The following ABR variants were observed in gnomAD, a reference collection of about 807,000 sequenced individuals.
ABR encodes the protein ABR activator of RhoGEF and GTPase.
In ABR, 35 loss-of-function variants were observed where a neutral mutation model predicts 107.2. The observed-to-expected ratio is 0.33, with a 90% CI of 0.25 to 0.43. The LOEUF is 0.43. Ranked by LOEUF, ABR falls within the 20% of genes least tolerant of loss-of-function variation. ABR has a pLI of 1.00. For missense variants in ABR, 815 were observed against 1,115.2 expected (o/e 0.73, Z 3.83); for synonymous variants, 498 against 462.0 (o/e 1.08, Z -1.00).
chr17:1,112,397 G>C (rs2038724463), intron 2 of ABR, among the ~76,000 whole-genome samples: 1 of 152,220 alleles, frequency 6.6e-6, no homozygotes, highest in Non-Finnish European at 1.5e-5. Context: ...AATAGGGAAG[G>C]GTTTCCAGGC....
intron 1 of ABR, among the ~76,000 whole-genome samples, chr17:1,169,840 G>A (rs769913187): frequency 6.6e-5 from 10 of 152,166 alleles, no homozygotes; most frequent in Admixed American, 4.6e-4. Context: ...GGGCCAGCAC[G>A]CTTGGGCTCT....
chr17:1,079,125 C>T, intron 6 of ABR: 1 of 1,436,392 alleles, frequency 7.0e-7, no homozygotes, highest in Non-Finnish European at 9.1e-7. Context: ...TTGTAGCTGG[C>T]TGGCTGCCTG....
At chr17:1,142,774 G>C (rs2151500385) in intron 1 of ABR, among the ~76,000 whole-genome samples, 1 of 152,258 alleles carries the variant, frequency 6.6e-6, no homozygotes, top group Non-Finnish European at 1.5e-5. Flanking sequence ...GTGAACCACA[G>C]ACAGGCAGGG....
rs183253693 is a variant in ABR at position 1,166,693 on chromosome 17, G to A, written c.61+12974C>T. On this transcript the variant is annotated intron_variant, in intron 1 of 22. Transcript: ENST00000302538. ...GTGTGGGCAGCGCGGGCCTCACCTG[G>A]GACTTGCTAGAAATGCAGAATCCAG... is the stretch of plus-strand genomic sequence containing the variant. Among the ~76,000 whole-genome samples, 47 of 152,306 alleles carry A rather than the reference G, an allele frequency of 3.1e-4. 1 individual carries two copies. Among genetic ancestry groups the A allele is most frequent in the African/African-American group, 9.6e-4 (40 of 41,576 alleles).
rs1031116716 is a variant in ABR, at chr17:1,037,760, G to A, written c.1791+12290C>T. Among the ~76,000 whole-genome samples the A allele has an allele frequency of 1.1e-4, 16 of 152,074 alleles. No homozygotes were observed. Among genetic ancestry groups the A allele is most frequent in the East Asian group, 3.9e-4 (2 of 5,170 alleles). On this transcript the variant is annotated intron_variant, in intron 16 of 22. Transcript: ENST00000302538. The surrounding 1 kb of genome is among the most constrained non-coding windows in gnomAD (Gnocchi z 4.6). ...TGAGGCCTGAAGGTGGGATGGGGTCGCCGAGCCTCCCTGCTCTTTCTTCAT... is the reference window on the plus strand; with the variant it reads ...TGAGGCCTGAAGGTGGGATGGGGTCACCGAGCCTCCCTGCTCTTTCTTCAT...
intron 1 of ABR, among the ~76,000 whole-genome samples, chr17:1,146,845 G>C (rs367560088): frequency 7.3e-6 from 1 of 137,698 alleles, no homozygotes; most frequent in African/African-American, 2.7e-5. Context: ...ACTGCCACCA[G>C]GCCACCACTG....
chr17:1,041,798 G>A (rs893793995), intron 16 of ABR, among the ~76,000 whole-genome samples: 1 of 152,194 alleles, frequency 6.6e-6, no homozygotes, highest in Non-Finnish European at 1.5e-5. Context: ...AGGGACCAGA[G>A]GTTGTTCCCG....
At chr17:1,064,879 A>G (rs1220848825) in intron 10 of ABR, among the ~76,000 whole-genome samples, 4 of 121,562 alleles carry the variant, frequency 3.3e-5, no homozygotes, top group African/African-American at 6.1e-5. Flanking sequence ...TCCTCTAGAC[A>G]CTGTTGTTAT....
intron 1 of ABR, among the ~76,000 whole-genome samples, chr17:1,162,605 G>T (rs187089549): frequency 1.3e-5 from 2 of 152,140 alleles, no homozygotes; most frequent in African/African-American, 4.8e-5. Context: ...AGCTCTCCCC[G>T]CACTCCTCAG....
At chr17:1,019,267 G>A (rs2071437914) in intron 16 of ABR, among the ~76,000 whole-genome samples, 1 of 152,188 alleles carries the variant, frequency 6.6e-6, no homozygotes. Flanking sequence ...AGAGCCCCAG[G>A]TCACAGTGGG....
At chr17:1,057,276 G>A (rs1282601535) in intron 12 of ABR, among the ~76,000 whole-genome samples, 174 bp from the exon 13 acceptor site, 6 of 149,620 alleles carry the variant, frequency 4.0e-5, no homozygotes, top group Non-Finnish European at 5.9e-5. Flanking sequence ...GCTGCGAGAG[G>A]GGTCAGAGTA....
chr17:1,091,918 G>A, intron 3 of ABR, 68 bp from the exon 4 acceptor site: 4 of 1,499,636 alleles, frequency 2.7e-6, no homozygotes, highest in Non-Finnish European at 3.6e-6. Context: ...GCAGGCCCCG[G>A]GGCCGATCGT....
At chr17:1,022,448 G>C (rs1252221031) in intron 16 of ABR, 5 of 153,332 alleles carry the variant, frequency 3.3e-5, no homozygotes, top group Non-Finnish European at 5.9e-5. Flanking sequence ...TGGCAAGCTG[G>C]CAACGGGGGA....
At chr17:1,016,600 C>G (rs566365226) in intron 16 of ABR, among the ~76,000 whole-genome samples, 28 of 151,964 alleles carry the variant, frequency 1.8e-4, no homozygotes, top group South Asian at 1.2e-3. Flanking sequence ...ACAGGTGTGA[C>G]CCACCATGCC....
rs576242898 is a variant in ABR, at chr17:1,157,680, G to A, written c.61+21987C>T. The stretch of plus-strand genomic sequence containing the variant: ...GGAACAGGGGGAAGCCAACAATCCC[G>A]GCAGATGAAGGAAAGGAACCGGCAG... On this transcript the variant is annotated intron_variant, in intron 1 of 22. Coordinates refer to ENST00000302538, the MANE Select transcript of ABR (RefSeq NM_021962.5). The surrounding 1 kb of genome is among the most constrained non-coding windows in gnomAD (Gnocchi z 4.7). Among the ~76,000 whole-genome samples the A allele has an allele frequency of 2.6e-5, 4 of 152,350 alleles. No individual in the cohort carries two copies. The highest frequency in any genetic ancestry group is 7.2e-5 in the African/African-American group (3 of 41,578).
chr17:1,051,911 T>TA lies in ABR; in HGVS notation c.1562-1278dup, dbSNP rs1257386052. On this transcript the variant is annotated intron_variant, in intron 14 of 22. Transcript: ENST00000302538. This position sits in a 1 kb window ranked among gnomAD's most constrained non-coding sequence, Gnocchi z 4.3. ...CAACATGGTGAAACCCCATCTCTAC[T>TA]AAAAATACAAAAGTGAGCCCGGCGT... Among the ~76,000 whole-genome samples, 1 of 151,880 alleles carries TA rather than the reference T, an allele frequency of 6.6e-6. No homozygotes were observed. The highest frequency in any genetic ancestry group is 2.4e-5 in the African/African-American group (1 of 41,348).
chr17:1,050,201 AG>A lies in ABR; in HGVS notation c.1660-21del. On this transcript the variant is annotated intron_variant, in intron 15 of 22. Coordinates refer to ENST00000302538, the MANE Select transcript of ABR (RefSeq NM_021962.5). This position sits in a 1 kb window ranked among gnomAD's most constrained non-coding sequence, Gnocchi z 4.6. ...AAACTCCTGGGGAAAGATGGGACAA[AG>A]GGCCCTGAACCTCCGAAGCTGGGAG... The A allele has an allele frequency of 6.2e-7, 1 of 1,607,912 alleles. No individual in the cohort carries two copies. Among genetic ancestry groups the A allele is most frequent in the Non-Finnish European group, 8.5e-7 (1 of 1,178,186 alleles).
intron 2 of ABR, among the ~76,000 whole-genome samples, chr17:1,104,115 G>A (rs1459676265): frequency 6.6e-6 from 1 of 152,144 alleles, no homozygotes; most frequent in Non-Finnish European, 1.5e-5. Flanking sequence ...CACAGCCTCT[G>A]CCACGCTGCC....
upstream of ABR, among the ~76,000 whole-genome samples, chr17:1,189,392 C>T (rs1034502559): frequency 3.5e-4 from 53 of 150,920 alleles, no homozygotes; most frequent in East Asian, 3.9e-4. Context: ...TCTTGTCCCC[C>T]AGGCTGGAGT....
Sources: allele counts gnomAD v4.1 joint callset (sites outside exome capture counted in the v4.1 genomes callset), GRCh38; gene constraint gnomAD v4.1.1; non-coding constraint Gnocchi (gnomAD v3.1); transcripts MANE v1.5; gene names NCBI Gene and HGNC (gene_info 2026-07-23, HGNC 2026-07-21).